Variants in CLTA observed in about 807,000 individuals in gnomAD.
CLTA encodes the protein clathrin light chain A, also known as clathrin, light polypeptide (Lca).
A neutral mutation model predicts 26.9 loss-of-function variants in CLTA; 9 were observed. The ratio of observed to expected loss-of-function variants is 0.33; its 90% CI spans 0.20 to 0.58. The LOEUF is 0.58. Among genes scored for constraint, CLTA ranks in the 20% least tolerant of loss-of-function variants. CLTA has a pLI of 0.85. For synonymous variants in CLTA, 120 were observed against 115.5 expected, an observed-to-expected ratio of 1.04 and a Z score of -0.25; for missense variants, 278 against 294.2, an observed-to-expected ratio of 0.94 and a Z score of 0.40.
intron 1 of CLTA, among the ~76,000 whole-genome samples, chr9:36,191,941 G>A (rs2132845281): frequency 6.6e-6 from 1 of 152,302 alleles, no homozygotes; most frequent in East Asian, 1.9e-4. Context: ...TATTGCCTAA[G>A]CAGAACCCAA....
chr9:36,211,624 AAAT>A lies in CLTA; in HGVS notation c.508_510del (p.Asn170del). ...CCAGGGCAGCAGAAGAAGCCTTTGT[AAAT>A]GACATTGACGAGTCGTCCCCAGGCA... On this transcript the variant is annotated inframe_deletion, in exon 5 of 5. Coordinates refer to ENST00000345519, the MANE Select transcript of CLTA (RefSeq NM_001833.4). 1 of 1,613,162 alleles carries A rather than the reference AAAT, an allele frequency of 6.2e-7. No homozygotes were observed. The highest frequency in any genetic ancestry group is 8.5e-7 in the Non-Finnish European group (1 of 1,179,252).
intron 1 of CLTA, among the ~76,000 whole-genome samples, chr9:36,195,839 G>A (rs1311655055): frequency 2.6e-5 from 4 of 152,028 alleles, no homozygotes; most frequent in African/African-American, 9.7e-5. Flanking sequence ...ATGGTGGCAC[G>A]TGCCTGTAAT....
Position 36,191,120 on chromosome 9 carries a change from G to A in CLTA, c.64G>A (p.Gly22Arg), listed in dbSNP as rs368746473. The A allele has an allele frequency of 6.2e-7, 1 of 1,600,816 alleles. No homozygotes were observed. Among genetic ancestry groups the A allele is most frequent in the South Asian group, 1.1e-5 (1 of 90,346 alleles). ...GAPGGPALGN[G>R]VAGAGEEDPA... ...CCCTGGCGGTCCCGCGCTGGGGAAC[G>A]GAGTGGCCGGCGCCGGCGAAGAAGA... Residue 22 changes from glycine (G) to arginine (R), a missense_variant, in exon 1 of 5, where the codon GGA (glycine) becomes AGA (arginine). Transcript: ENST00000345519.
intron 1 of CLTA, among the ~76,000 whole-genome samples, chr9:36,191,553 CT>C (rs1826721982): frequency 6.6e-6 from 1 of 152,186 alleles, no homozygotes; most frequent in Admixed American, 6.5e-5. Flanking sequence ...AATTCAGCAA[CT>C]TTTCATTAAG....
intron 1 of CLTA, among the ~76,000 whole-genome samples, chr9:36,197,160 G>A (rs2132873770): frequency 6.6e-6 from 1 of 152,316 alleles, no homozygotes; most frequent in Non-Finnish European, 1.5e-5. Context: ...GGGCGACAGA[G>A]CAAGACTGTC....
rs562352690 is a variant in CLTA at position 36,191,558 on chromosome 9, C to T, written c.217+285C>T. ...AAGCCCGTTCAATTCAGCAACTTTTCATTAAGCATTTGCTGTGCCTTTAGT... is the reference window on the plus strand; with the variant it reads ...AAGCCCGTTCAATTCAGCAACTTTTTATTAAGCATTTGCTGTGCCTTTAGT... On this transcript the variant is annotated intron_variant, in intron 1 of 4. Coordinates refer to ENST00000345519, the MANE Select transcript of CLTA (RefSeq NM_001833.4). Among the ~76,000 whole-genome samples the T allele has an allele frequency of 1.1e-4, 16 of 152,294 alleles. 2 individuals carry two copies. Among genetic ancestry groups the T allele is most frequent in the African/African-American group, 3.8e-4 (16 of 41,562 alleles).
At chr9:36,205,373 C>T (rs751642428) in intron 4 of CLTA, among the ~76,000 whole-genome samples, 1 of 152,110 alleles carries the variant, frequency 6.6e-6, no homozygotes, top group Non-Finnish European at 1.5e-5. Context: ...GTTGTTGAGC[C>T]TGTGGTCAGT....
At chr9:36,203,974 C>A in intron 3 of CLTA, 94 bp from the exon 4 acceptor site, 1 of 1,542,998 alleles carries the variant, frequency 6.5e-7, no homozygotes, top group Non-Finnish European at 8.8e-7. Context: ...TGGACCTGCA[C>A]CCACCACAAG....
intron 3 of CLTA, among the ~76,000 whole-genome samples, chr9:36,201,300 A>C (rs1467054534): frequency 2.6e-5 from 4 of 152,204 alleles, no homozygotes; most frequent in Non-Finnish European, 2.9e-5. Context: ...AACCGGTGCC[A>C]GTGGTTTTCA....
chr9:36,200,803 C>G (rs909994556), intron 3 of CLTA, among the ~76,000 whole-genome samples: 3 of 152,122 alleles, frequency 2.0e-5, no homozygotes, highest in African/African-American at 7.2e-5. Context: ...TTTAAATTTT[C>G]TTTAATTTTA....
At chr9:36,202,221 A>G (rs1587229238) in intron 3 of CLTA, among the ~76,000 whole-genome samples, 1 of 152,338 alleles carries the variant, frequency 6.6e-6, no homozygotes, top group South Asian at 2.1e-4. Context: ...AGATACCGAG[A>G]TGAACGTTCC....
chr9:36,199,596 G>T (rs959658348), intron 3 of CLTA, among the ~76,000 whole-genome samples: 1 of 148,542 alleles, frequency 6.7e-6, no homozygotes, highest in Non-Finnish European at 1.5e-5. Context: ...GTCTACAGGC[G>T]CCCGCCACTA....
At chr9:36,210,737 C>T (rs1381993407) in intron 4 of CLTA, 30 of 1,553,118 alleles carry the variant, frequency 1.9e-5, no homozygotes, top group Admixed American at 1.9e-4. Flanking sequence ...TGGGCTTCAG[C>T]GGTGTTTGCC....
In CLTA at chr9:36,191,078, G is replaced by T; in HGVS notation, c.22G>T (p.Gly8Cys). The T allele has an allele frequency of 6.3e-7, 1 of 1,581,994 alleles. No individual in the cohort carries two copies. Reference protein sequence around the residue: MAELDPFGAPAGAPGGPA... With the variant: MAELDPFCAPAGAPGGPA... ...CGCCATGGCTGAGCTGGATCCGTTC[G>T]GCGCCCCTGCCGGCGCCCCTGGCGG... Residue 8 changes from glycine to cysteine, a missense_variant, in exon 1 of 5, where the codon GGC becomes TGC. Transcript: ENST00000345519.
chr9:36,201,809 A>C (rs979393192), intron 3 of CLTA, among the ~76,000 whole-genome samples: 1 of 152,174 alleles, frequency 6.6e-6, no homozygotes, highest in Admixed American at 6.5e-5. Context: ...GGATAGACAC[A>C]TATTAGATGT....
At chr9:36,197,446 T>C in intron 1 of CLTA, 105 bp from the exon 2 acceptor site, 1 of 691,050 alleles carries the variant, frequency 1.4e-6, no homozygotes. Flanking sequence ...TAGCATTTAG[T>C]AGCTCAAGGT....
intron 1 of CLTA, among the ~76,000 whole-genome samples, chr9:36,195,825 G>A (rs1379546697): frequency 2.6e-5 from 4 of 152,040 alleles, no homozygotes; most frequent in East Asian, 3.9e-4. Flanking sequence ...AAAATTAGCC[G>A]GGCATGGTGG....
At chr9:36,193,039 T>G (rs749655365) in intron 1 of CLTA, among the ~76,000 whole-genome samples, 1 of 152,232 alleles carries the variant, frequency 6.6e-6, no homozygotes, top group Non-Finnish European at 1.5e-5. Flanking sequence ...TATGTAGAAC[T>G]GACAGATCTT....
Position 36,211,626 on chromosome 9 carries a change from A to T in CLTA, c.509A>T (p.Asn170Ile). 1 of 1,613,092 alleles carries T rather than the reference A, an allele frequency of 6.2e-7. No individual in the cohort carries two copies. Among genetic ancestry groups the T allele is most frequent in the Non-Finnish European group, 8.5e-7 (1 of 1,179,238 alleles). ...NNRAAEEAFV[N>I]DIDESSPGTE... ...AGGGCAGCAGAAGAAGCCTTTGTAA[A>T]TGACATTGACGAGTCGTCCCCAGGC... The change falls in exon 5 of 5, where the codon AAT becomes ATT. Residue 170 changes from asparagine (N) to isoleucine (I), a missense_variant. Asn to Ile is a moderately radical substitution (Grantham distance 149, BLOSUM62 -3). Coordinates refer to ENST00000345519, the MANE Select transcript of CLTA (RefSeq NM_001833.4).
Sources: gnomAD v4.1 joint callset for allele counts (sites outside exome capture counted in the v4.1 genomes callset) on GRCh38, gnomAD v4.1.1 for gene constraint, MANE v1.5 for transcripts, NCBI Gene and HGNC (gene_info 2026-07-23, HGNC 2026-07-21) for gene names.